INTS4: variants seen among roughly 807,000 people sequenced by gnomAD.
INTS4 encodes the protein MSTP093.
In INTS4, 70 loss-of-function variants were observed where a neutral mutation model predicts 119.5. The ratio of observed to expected loss-of-function variants is 0.59; its 90% CI spans 0.48 to 0.71. The LOEUF (loss-of-function observed/expected upper bound fraction) is 0.71, where lower values mean the gene tolerates loss of function less well. Ranked by LOEUF, INTS4 falls within the 30% of genes least tolerant of loss-of-function variation. INTS4 has a pLI of 0.00. For missense variants in INTS4, 867 were observed against 1,173.2 expected (o/e 0.74, Z 3.81); for synonymous variants, 316 against 419.6 (o/e 0.75, Z 3.02).
chr11:77,891,928 G>A, intron 19 of INTS4, 88 bp from the exon 20 acceptor site: 1 of 1,582,230 alleles, frequency 6.3e-7, no homozygotes, highest in South Asian at 1.2e-5. Flanking sequence ...AAACCCTGAA[G>A]TAGGAAGAAT....
intron 21 of INTS4, among the ~76,000 whole-genome samples, chr11:77,888,966 C>T (rs1163202208): frequency 6.6e-6 from 1 of 152,210 alleles, no homozygotes; most frequent in African/African-American, 2.4e-5. Context: ...AACACTTTTA[C>T]ACTGTTGGTG....
chr11:77,926,260 C>G lies in INTS4; in HGVS notation c.1372-1368G>C, dbSNP rs1591065103. ...CTCAAAGCAATGAAGCCCAGTGACA[C>G]AGAAAATATAAGGGAGAAGTACACA... On this transcript the variant is annotated intron_variant, in intron 11 of 22. Transcript: ENST00000534064. Among the ~76,000 whole-genome samples, 3 of 151,762 alleles carry G rather than the reference C, an allele frequency of 2.0e-5. No individual in the cohort carries two copies. In the East Asian group the frequency reaches 5.8e-4, roughly 29 times the overall value.
rs1369949998 is a variant in INTS4 at position 77,883,922 on chromosome 11, T to C, written c.2623A>G (p.Ile875Val). The C allele has an allele frequency of 1.9e-6, 3 of 1,613,222 alleles. No individual in the cohort carries two copies. The South Asian group carries it at 3.3e-5, about 18-fold the overall frequency. The change falls in exon 22 of 23, where the codon ATT becomes GTT. Residue 875 changes from isoleucine to valine, a missense_variant. By Grantham distance (29) the Ile-to-Val change is conservative. This residue lies in a region of INTS4 where 122 missense variants were observed against 133.2 expected (regional missense o/e 0.92). Transcript: ENST00000534064. ...VLYPDGQAQM[I>V]HPKPADFRNP... ...CGGAAGTCTGCAGGCTTGGGGTGAA[T>C]CATCTGAGCCTGGCCATCTGGATAT... is the stretch of plus-strand genomic sequence containing the variant.
chr11:77,885,924 G>A (rs141194743), intron 21 of INTS4, among the ~76,000 whole-genome samples: 162 of 152,328 alleles, frequency 1.1e-3, no homozygotes, highest in Non-Finnish European at 1.2e-3. Context: ...GTGTTCAGCA[G>A]GTGCAGTGGC....
chr11:77,987,211 T>C (rs1856492168), intron 2 of INTS4: 1 of 152,622 alleles, frequency 6.6e-6, no homozygotes. Context: ...TTCTCTTTAC[T>C]TACATAGTAT....
Position 77,885,961 on chromosome 11 carries a change from G to A in INTS4, c.2593-2009C>T, listed in dbSNP as rs139635463. ...CATGCCTATAATCCCAGCATTTTGC[G>A]GGGCTGAGGCGGGAGGATTGCTTGA... On this transcript the variant is annotated intron_variant, in intron 21 of 22. Transcript: ENST00000534064. Among the ~76,000 whole-genome samples the A allele has an allele frequency of 8.3e-4, 126 of 152,234 alleles. 1 individual carries two copies. Among genetic ancestry groups the A allele is most frequent in the Non-Finnish European group, 1.5e-3 (100 of 68,008 alleles).
chr11:77,938,738 TG>T lies in INTS4; in HGVS notation c.1077del (p.Lys360ArgfsTer4). On this transcript the variant is annotated frameshift_variant, in exon 10 of 23. Coordinates refer to ENST00000534064, the MANE Select transcript of INTS4 (RefSeq NM_033547.4). LOFTEE classifies it high-confidence loss of function. ...SSGRKWGDDA[P>X]KEEVDTGAVN... ...ACAGCCCCGGTATCTACTTCTTCCT[TG>T]GGAGCATCATCTCCCCACTTTCTGC... 2 of 1,612,022 alleles carry T rather than the reference TG, an allele frequency of 1.2e-6. No homozygotes were observed. Among genetic ancestry groups the T allele is most frequent in the Non-Finnish European group, 1.7e-6 (2 of 1,179,862 alleles).
Position 77,897,674 on chromosome 11 carries a change from T to TA in INTS4, c.2229-3326_2229-3325insT, listed in dbSNP as rs143907801. Reference sequence around the variant, plus strand: ...TGCCACCACGCCCGGCTAATTTTTTTTTTTTTATTTTTAGTAGAGACGGGG... The same window carrying TA: ...TGCCACCACGCCCGGCTAATTTTTTTATTTTTTATTTTTAGTAGAGACGGGG... On this transcript the variant is annotated intron_variant, in intron 18 of 22. Transcript: ENST00000534064. Among the ~76,000 whole-genome samples the TA allele has an allele frequency of 1.3e-4, 19 of 151,192 alleles. No individual in the cohort carries two copies. The East Asian group carries it at 3.5e-3, about 28-fold the overall frequency.
intron 2 of INTS4, among the ~76,000 whole-genome samples, chr11:77,983,720 C>G (rs552719192): frequency 6.6e-6 from 1 of 152,098 alleles, no homozygotes; most frequent in African/African-American, 2.4e-5. Flanking sequence ...TCTTTGTGAC[C>G]TGCTGGTGGG....
At chr11:77,961,506 T>C (rs145262653) in intron 4 of INTS4, among the ~76,000 whole-genome samples, 2,111 of 152,328 alleles carry the variant, frequency 0.014, 24 homozygotes, top group Non-Finnish European at 0.022. Context: ...AAACTTTTAA[T>C]ATCCATAGAA....
intron 14 of INTS4, among the ~76,000 whole-genome samples, chr11:77,920,464 T>G (rs1953331209): frequency 6.6e-6 from 1 of 151,938 alleles, no homozygotes; most frequent in African/African-American, 2.4e-5. Flanking sequence ...TTTTAAATTT[T>G]CTTCTATATA....
intron 4 of INTS4, among the ~76,000 whole-genome samples, chr11:77,976,308 G>A (rs939883723): frequency 1.3e-5 from 2 of 152,144 alleles, no homozygotes; most frequent in Non-Finnish European, 2.9e-5. Flanking sequence ...CCTTAGCTGG[G>A]CACAGTAGTT....
chr11:77,917,078 C>T (rs765639609), intron 15 of INTS4, among the ~76,000 whole-genome samples: 8 of 152,098 alleles, frequency 5.3e-5, no homozygotes, highest in African/African-American at 1.2e-4. Context: ...AAGTACAAAG[C>T]GCTGTTATCC....
intron 2 of INTS4, among the ~76,000 whole-genome samples, chr11:77,987,971 C>G (rs527308309): frequency 6.6e-6 from 1 of 152,296 alleles, no homozygotes; most frequent in South Asian, 2.1e-4. Flanking sequence ...ACCTTGGTAA[C>G]ATGGTGAAAC....
intron 8 of INTS4, among the ~76,000 whole-genome samples, chr11:77,942,549 A>G (rs1953953801): frequency 6.6e-6 from 1 of 152,196 alleles, no homozygotes; most frequent in Admixed American, 6.5e-5. Context: ...ATTCTTCCCA[A>G]TAATCCCATA....
chr11:77,918,492 A>G, intron 15 of INTS4: 1 of 281,024 alleles, frequency 3.6e-6, no homozygotes, highest in Non-Finnish European at 6.8e-6. Context: ...GCCTATGAGA[A>G]AGAATTAAAC....
chr11:77,991,394 T>A, intron 1 of INTS4, 95 bp from the exon 2 acceptor site: 2 of 972,688 alleles, frequency 2.1e-6, no homozygotes, highest in Non-Finnish European at 3.2e-6. Context: ...AAATAATATA[T>A]TTAGCTGATG....
rs574761146 is a variant in INTS4 at position 77,979,712 on chromosome 11, G to C, written c.365-610C>G. 4.1e-4 allele frequency among the ~76,000 whole-genome samples: 62 copies of C among 150,842 alleles called. 1 individual carries two copies. The South Asian group carries it at 0.013, about 31-fold the overall frequency. On this transcript the variant is annotated intron_variant, in intron 3 of 22. Coordinates refer to ENST00000534064, the MANE Select transcript of INTS4 (RefSeq NM_033547.4). ...AAAAAAAAGGCCAGGCACGGTGGTG[G>C]CTTATGCCTGTAATCCCAGCACTTT...
At chr11:77,891,557 C>T (rs1245047865) in intron 20 of INTS4, 95 bp from the exon 21 acceptor site, 3 of 1,548,888 alleles carry the variant, frequency 1.9e-6, no homozygotes, top group Admixed American at 1.8e-5. Context: ...AATGAGTGGG[C>T]ATGTGGGAGC....
Sources: allele counts gnomAD v4.1 joint callset (sites outside exome capture counted in the v4.1 genomes callset), GRCh38; gene constraint gnomAD v4.1.1; regional missense constraint gnomAD v4.1.1; transcripts MANE v1.5; gene names NCBI Gene and HGNC (gene_info 2026-07-23, HGNC 2026-07-21).